The following ESPN variants were observed in gnomAD, a reference collection of about 807,000 sequenced individuals.
ESPN encodes espin, also known as autosomal recessive deafness type 36 protein.
Under a neutral mutation model 77.7 loss-of-function variants are expected in ESPN, and 68 were observed. The observed-to-expected ratio is 0.87, with a 90% confidence interval of 0.72 to 1.07. The LOEUF (loss-of-function observed/expected upper bound fraction) is 1.07, where lower values mean the gene tolerates loss of function less well. Among genes scored for constraint, ESPN ranks in the 50% least tolerant of loss-of-function variants. The pLI is 0.00. For missense variants in ESPN, 1,060 were observed against 1,239.0 expected, an observed-to-expected ratio of 0.86 and a Z score of 2.17; for synonymous variants, 449 against 567.1, an observed-to-expected ratio of 0.79 and a Z score of 2.96.
chr1:6,456,757 G>A, intron 10 of ESPN: 1 of 300,062 alleles, frequency 3.3e-6, no homozygotes, highest in Non-Finnish European at 6.3e-6. Context: ...TGGGAAGATG[G>A]CAACCATGGG....
At chr1:6,454,974 T>G (rs1644023950) in intron 10 of ESPN, 1 of 379,932 alleles carries the variant, frequency 2.6e-6, no homozygotes, top group African/African-American at 2.1e-5. Context: ...CCGCGCCACC[T>G]ACGAGCTGCG....
At chr1:6,433,260 C>T (rs1366303123) in intron 2 of ESPN, among the ~76,000 whole-genome samples, 4 of 152,008 alleles carry the variant, frequency 2.6e-5, no homozygotes, top group Admixed American at 6.6e-5. Flanking sequence ...CCGGCCGATA[C>T]GGTGAAACCC....
At position 6,428,142 on chromosome 1, in the gene ESPN, A is replaced by G; in HGVS notation, c.295-84A>G. ...GACAGAGAGCACAGAGCTACCTTCC[A>G]GGCCTGTGGGAGTCTGGGAGTGGCC... On this transcript the variant is annotated intron_variant, in intron 1 of 12. Coordinates refer to ENST00000645284, the MANE Select transcript of ESPN (RefSeq NM_031475.3). The surrounding 1 kb of genome is among the most constrained non-coding windows in gnomAD (Gnocchi z 5.4). 1 of 1,415,698 alleles carries G rather than the reference A, an allele frequency of 7.1e-7. No individual in the cohort carries two copies. 87.7% of individuals were successfully genotyped at this position (1,415,698 alleles called of 1,614,324 possible). A position where few individuals can be genotyped will look rare whatever the true frequency, so the allele number is the denominator to read the frequency against.
chr1:6,433,639 G>C (rs1390584463), intron 2 of ESPN, among the ~76,000 whole-genome samples: 1 of 151,694 alleles, frequency 6.6e-6, no homozygotes, highest in Non-Finnish European at 1.5e-5. Context: ...CCCATCACAG[G>C]CTTCTGACCA....
chr1:6,424,969 A>C lies in ESPN; in HGVS notation c.14A>C (p.Gln5Pro). The C allele has an allele frequency of 2.8e-6, 4 of 1,454,408 alleles. No individual in the cohort carries two copies. The highest frequency in any genetic ancestry group is 2.7e-6 in the Non-Finnish European group (3 of 1,107,750). The allele number at this position is 1,454,408 out of a possible 1,614,324, so 90.1% of individuals were successfully genotyped here. Residue 5 changes from glutamine (Q) to proline (P), a missense_variant, in exon 1 of 13, where the codon CAG becomes CCG. This residue lies in a region of ESPN where 556 missense variants were observed against 633.6 expected (regional missense o/e 0.88). Transcript: ENST00000645284. ...GCACGCGGCACCATGGCCCTGGAGC[A>C]GGCGCTGCAGGCGGCGCGGCAGGGC... MALE[Q>P]ALQAARQGEL...
intron 1 of ESPN, 22 bp downstream of exon 1, chr1:6,425,271 G>A (rs1642994481): frequency 2.7e-5 from 42 of 1,564,922 alleles, no homozygotes; most frequent in Non-Finnish European, 3.6e-5. Flanking sequence ...CGGTTCGCCA[G>A]GGGCACTGAG....
intron 5 of ESPN, among the ~76,000 whole-genome samples, chr1:6,444,197 A>G (rs1643744115): frequency 9.2e-5 from 14 of 152,178 alleles, no homozygotes; most frequent in Admixed American, 9.2e-4. Context: ...CTTGGGGTGC[A>G]GCTCAAGGGC....
In ESPN at chr1:6,428,094, G is replaced by A. The variant is rs1643105302; in HGVS notation, c.295-132G>A. The A allele has an allele frequency of 3.1e-6, 3 of 965,456 alleles. No homozygotes were observed. Among genetic ancestry groups the A allele is most frequent in the Admixed American group, 2.0e-5 (1 of 51,222 alleles). 59.8% of individuals were successfully genotyped at this position (965,456 alleles called of 1,614,324 possible). A position where few individuals can be genotyped will look rare whatever the true frequency, so the allele number is the denominator to read the frequency against. On this transcript the variant is annotated intron_variant, in intron 1 of 12. Coordinates refer to ENST00000645284, the MANE Select transcript of ESPN (RefSeq NM_031475.3). This position sits in a 1 kb window ranked among gnomAD's most constrained non-coding sequence, Gnocchi z 5.4. Reference sequence around the variant, plus strand: ...CCCAAAAAAAACATTGCTGAATGAGGCCTGGCCAATCCCTCCAGGGAAGAC... The same window carrying A: ...CCCAAAAAAAACATTGCTGAATGAGACCTGGCCAATCCCTCCAGGGAAGAC...
chr1:6,449,776 G>T (rs1643913777), intron 8 of ESPN, among the ~76,000 whole-genome samples: 1 of 152,114 alleles, frequency 6.6e-6, no homozygotes. Context: ...AGGATTCCTG[G>T]GCTGCTTTTC....
chr1:6,424,981 C>T lies in ESPN; in HGVS notation c.26C>T (p.Ala9Val), dbSNP rs1642980162. Residue 9 changes from alanine (A) to valine (V), a missense_variant, in exon 1 of 13, where the codon GCG becomes GTG. By Grantham distance (64) the Ala-to-Val change is moderately conservative. This residue lies in a region of ESPN where 556 missense variants were observed against 633.6 expected (regional missense o/e 0.88). Coordinates refer to ENST00000645284, the MANE Select transcript of ESPN (RefSeq NM_031475.3). MALEQALQ[A>V]ARQGELDVLR... is the part of the protein sequence containing the mutation. ...ATGGCCCTGGAGCAGGCGCTGCAGGCGGCGCGGCAGGGCGAGCTGGACGTG... is the reference window on the plus strand; with the variant it reads ...ATGGCCCTGGAGCAGGCGCTGCAGGTGGCGCGGCAGGGCGAGCTGGACGTG... 4.1e-6 allele frequency: 6 copies of T among 1,457,082 alleles called. No homozygotes were observed. Among genetic ancestry groups the T allele is most frequent in the Non-Finnish European group, 5.4e-6 (6 of 1,109,460 alleles). The allele number at this position is 1,457,082 out of a possible 1,614,324, so 90.3% of individuals were successfully genotyped here.
chr1:6,460,077 C>T lies in ESPN; in HGVS notation c.2496C>T (p.Tyr832=), dbSNP rs1046987961. The change falls in exon 13 of 13, where the codon TAC becomes TAT. Residue 832 remains tyrosine (Y), a synonymous_variant. Transcript: ENST00000645284. ...CAGAGAAGCTGCGGACGCTGGGCTACGATGAGAGCAAGCTGGCGCCCTGGC... is the reference window on the plus strand; with the variant it reads ...CAGAGAAGCTGCGGACGCTGGGCTATGATGAGAGCAAGCTGGCGCCCTGGC... The part of the protein sequence containing the change: ...EQSEKLRTLG[Y]DESKLAPWQR... The T allele has an allele frequency of 3.1e-6, 5 of 1,613,376 alleles. No homozygotes were observed. The African/African-American group carries it at 5.3e-5, about 17-fold the overall frequency.
At position 6,451,954 on chromosome 1, in the gene ESPN, C is replaced by T; in HGVS notation, c.2183C>T (p.Pro728Leu). 6.2e-7 allele frequency: 1 copy of T among 1,610,810 alleles called. No individual in the cohort carries two copies. Among genetic ancestry groups the T allele is most frequent in the South Asian group, 1.1e-5 (1 of 90,394 alleles). Residue 728 changes from proline to leucine, a missense_variant, in exon 10 of 13, where the codon CCT becomes CTT. Pro to Leu is a moderately conservative substitution (Grantham distance 98). Around this residue, in one of 3 missense-constraint regions of ESPN, gnomAD observed 374 missense variants for 381.4 expected, o/e 0.98. Transcript: ENST00000645284. The surrounding 1 kb of genome is among the most constrained non-coding windows in gnomAD (Gnocchi z 4.3). The stretch of plus-strand genomic sequence containing the variant: ...TTGGTTCCCGTGCCGCCCACTACTC[C>T]TGCGCCGGGAGTGCAGCTGGACGTG... ...GSLVPVPPTT[P>L]APGVQLDVEA...
At chr1:6,440,464 A>G in intron 3 of ESPN, 24 bp downstream of exon 3, 1 of 1,501,322 alleles carries the variant, frequency 6.7e-7, no homozygotes, top group South Asian at 1.2e-5. Context: ...CCGGGCGGGG[A>G]GCAGGGGAGG....
At chr1:6,457,605 C>T (rs1407127797) in intron 12 of ESPN, among the ~76,000 whole-genome samples, 1 of 152,144 alleles carries the variant, frequency 6.6e-6, no homozygotes, top group Non-Finnish European at 1.5e-5. Context: ...TTCAGTTAAC[C>T]TAACCCCACT....
intron 7 of ESPN, among the ~76,000 whole-genome samples, chr1:6,446,651 A>G (rs1472554743): frequency 6.6e-6 from 1 of 152,174 alleles, no homozygotes; most frequent in African/African-American, 2.4e-5. Flanking sequence ...GGTCTGAGCA[A>G]TTCCGGGTAT....
chr1:6,432,993 G>A (rs1285967506), intron 2 of ESPN, among the ~76,000 whole-genome samples: 2 of 151,916 alleles, frequency 1.3e-5, no homozygotes, highest in Non-Finnish European at 2.9e-5. Flanking sequence ...GTGGTGGCAC[G>A]TGCCTGTAGT....
chr1:6,434,937 G>A (rs1643380549), intron 2 of ESPN, among the ~76,000 whole-genome samples: 2 of 152,272 alleles, frequency 1.3e-5, no homozygotes, highest in Non-Finnish European at 2.9e-5. Flanking sequence ...GCAGTGATGC[G>A]GGGAGGTGTA....
chr1:6,454,643 G>A (rs974629552), intron 10 of ESPN: 1 of 398,802 alleles, frequency 2.5e-6, no homozygotes, highest in Non-Finnish European at 4.4e-6. Flanking sequence ...AGCAGCTGCT[G>A]CCCATCTCGG....
intron 2 of ESPN, among the ~76,000 whole-genome samples, chr1:6,432,483 GGA>G (rs1448275921): frequency 2.6e-5 from 4 of 152,214 alleles, no homozygotes; most frequent in Non-Finnish European, 4.4e-5. Flanking sequence ...GGTGGAGTCC[GGA>G]GCAGCCCCTC....
Sources: allele counts gnomAD v4.1 joint callset (sites outside exome capture counted in the v4.1 genomes callset), GRCh38; gene constraint gnomAD v4.1.1; regional missense constraint gnomAD v4.1.1; non-coding constraint Gnocchi (gnomAD v3.1); transcripts MANE v1.5; gene names NCBI Gene and HGNC (gene_info 2026-07-23, HGNC 2026-07-21).